The following ANK3 variants were observed in gnomAD, a reference collection of about 807,000 sequenced individuals.
ANK3 encodes ankyrin-3.
Under a neutral mutation model 370.9 loss-of-function variants are expected in ANK3, and 57 were observed. The ratio of observed to expected loss-of-function variants is 0.15; its 90% confidence interval spans 0.12 to 0.19. ANK3 has a LOEUF of 0.19. Among genes scored for constraint, ANK3 ranks in the 10% least tolerant of loss-of-function variants. The probability of loss-of-function intolerance (pLI) is 1.00; values close to 1 mark genes in which losing one functional copy is unlikely to be tolerated. For synonymous variants in ANK3, 1,929 were observed against 1,946.3 expected, an observed-to-expected ratio of 0.99 and a Z score of 0.23; for missense variants, 4,439 against 5,302.1, an observed-to-expected ratio of 0.84 and a Z score of 5.06.
intron 21 of ANK3, among the ~76,000 whole-genome samples, chr10:60,167,112 T>C (rs1195213609): frequency 1.3e-5 from 2 of 152,170 alleles, no homozygotes; most frequent in African/African-American, 4.8e-5. Flanking sequence ...AGAATTCTAG[T>C]GGCAAAGTAC....
Position 60,693,270 on chromosome 10 carries a change from G to A in ANK3, c.57+39993C>T, listed in dbSNP as rs143707917. Among the ~76,000 whole-genome samples, 426 of 152,320 alleles carry A rather than the reference G, an allele frequency of 2.8e-3. 1 individual carries two copies. The highest frequency in any genetic ancestry group is 9.8e-3 in the African/African-American group (406 of 41,568). ...CAGGGTCCTAAGCCCACGGAGTCTC[G>A]CTGATTGCTAGCAGTCTGAGATCAA... is the stretch of plus-strand genomic sequence containing the variant. On this transcript the variant is annotated intron_variant, in intron 1 of 43. Coordinates refer to the ANK3 transcript ENST00000373827.
At chr10:60,559,493 C>A (rs1376422488) in intron 2 of ANK3, among the ~76,000 whole-genome samples, 1 of 152,120 alleles carries the variant, frequency 6.6e-6, no homozygotes, top group Non-Finnish European at 1.5e-5. Flanking sequence ...ACTGTGCTAG[C>A]TACTTGACAT....
chr10:60,458,289 A>T (rs2064799508), intron 2 of ANK3, among the ~76,000 whole-genome samples: 1 of 152,146 alleles, frequency 6.6e-6, no homozygotes, highest in Non-Finnish European at 1.5e-5. Context: ...CCATCAAAGT[A>T]ACTCAAGAAA....
In ANK3 at chr10:60,073,341, T is replaced by A; in HGVS notation, c.7540A>T (p.Ile2514Phe). The A allele has an allele frequency of 6.2e-7, 1 of 1,613,988 alleles. No homozygotes were observed. Among genetic ancestry groups the A allele is most frequent in the Non-Finnish European group, 8.5e-7 (1 of 1,180,002 alleles). ...ACATCTTTATAGATTTTGGAGAGAATTTCTTTTTTGGGGGCAGTGGCTATT... is the reference window on the plus strand; with the variant it reads ...ACATCTTTATAGATTTTGGAGAGAAATTCTTTTTTGGGGGCAGTGGCTATT... ...EKIATAPKKEILSKIYKDVSE... is the reference protein window; with the variant it reads ...EKIATAPKKEFLSKIYKDVSE... Residue 2514 changes from isoleucine (I) to phenylalanine (F), a missense_variant, in exon 37 of 44, where the codon ATT becomes TTT. By Grantham distance (21) the Ile-to-Phe change is conservative (BLOSUM62 0). Transcript: ENST00000280772.
At chr10:60,194,488 A>C (rs2096551857) in intron 16 of ANK3, among the ~76,000 whole-genome samples, 1 of 152,216 alleles carries the variant, frequency 6.6e-6, no homozygotes, top group East Asian at 1.9e-4. Context: ...TATACATCAT[A>C]TAAGTAGAAT....
intron 2 of ANK3, among the ~76,000 whole-genome samples, chr10:60,560,156 C>T (rs954784666): frequency 2.0e-5 from 3 of 152,010 alleles, no homozygotes; most frequent in Non-Finnish European, 4.4e-5. Flanking sequence ...ACCTTTTATA[C>T]AAAGATAAGG....
intron 1 of ANK3, among the ~76,000 whole-genome samples, chr10:60,388,486 T>C (rs1683920788): frequency 6.6e-6 from 1 of 152,214 alleles, no homozygotes; most frequent in South Asian, 2.1e-4. Flanking sequence ...AAATGCTTTA[T>C]GACCTGCCTT....
At chr10:60,624,184 G>A (rs1343596443) in intron 1 of ANK3, among the ~76,000 whole-genome samples, 1 of 151,910 alleles carries the variant, frequency 6.6e-6, no homozygotes, top group Non-Finnish European at 1.5e-5. Flanking sequence ...ACTTGCACAT[G>A]TACCCCTCAA....
At chr10:60,345,886 G>C (rs900499133) in intron 1 of ANK3, among the ~76,000 whole-genome samples, 2 of 152,054 alleles carry the variant, frequency 1.3e-5, no homozygotes, top group African/African-American at 2.4e-5. Flanking sequence ...TTGATTCTAG[G>C]AGCATAGACT....
intron 2 of ANK3, among the ~76,000 whole-genome samples, chr10:60,523,704 G>C (rs866222412): frequency 2.0e-5 from 3 of 152,000 alleles, no homozygotes; most frequent in African/African-American, 7.2e-5. Context: ...ATAAACATAC[G>C]TGTGCATGTG....
chr10:60,677,552 A>G lies in ANK3; in HGVS notation c.57+55711T>C, dbSNP rs150322230. Among the ~76,000 whole-genome samples the G allele has an allele frequency of 3.2e-4, 48 of 152,286 alleles. 1 individual carries two copies. In the South Asian group the frequency reaches 6.0e-3, roughly 19 times the overall value. ...TTTCCTACTCTAATAAGCAGTTTACAAGGTTGCAACCTTACCATTCCAGTT... is the reference window on the plus strand; with the variant it reads ...TTTCCTACTCTAATAAGCAGTTTACGAGGTTGCAACCTTACCATTCCAGTT... On this transcript the variant is annotated intron_variant, in intron 1 of 43. Transcript: ENST00000373827.
chr10:60,260,000 G>A (rs900043617), intron 7 of ANK3, among the ~76,000 whole-genome samples: 7 of 152,156 alleles, frequency 4.6e-5, no homozygotes, highest in African/African-American at 7.2e-5. Flanking sequence ...ACTGACTGAC[G>A]CTCTCCAGTC....
chr10:60,679,797 C>T (rs1459929563), intron 1 of ANK3, among the ~76,000 whole-genome samples: 2 of 152,124 alleles, frequency 1.3e-5, no homozygotes, highest in Non-Finnish European at 2.9e-5. Context: ...TACTTCCTTT[C>T]GTTCCTGCTC....
intron 4 of ANK3, among the ~76,000 whole-genome samples, chr10:60,274,870 T>A (rs1433046168): frequency 6.6e-6 from 1 of 152,190 alleles, no homozygotes; most frequent in African/African-American, 2.4e-5. Context: ...AACACATACA[T>A]AACCATTTAG....
At chr10:60,083,913 A>T in intron 32 of ANK3, 2 of 197,416 alleles carry the variant, frequency 1.0e-5, no homozygotes, top group Non-Finnish European at 2.0e-5. Flanking sequence ...ATTCGTATAG[A>T]TTTTGAAAGC....
chr10:60,251,933 A>G (rs2097673475), intron 7 of ANK3, among the ~76,000 whole-genome samples: 1 of 152,102 alleles, frequency 6.6e-6, no homozygotes, highest in African/African-American at 2.4e-5. Context: ...CTCATTTCAC[A>G]CCTGCATCTG....
In ANK3 at chr10:60,317,203, C is replaced by T. The variant is rs369148666; in HGVS notation, c.115-37564G>A. 4.6e-5 allele frequency among the ~76,000 whole-genome samples: 7 copies of T among 152,132 alleles called. No homozygotes were observed. The East Asian group carries it at 5.8e-4, about 13-fold the overall frequency. ...ATGCCCAGGCTGGAGTACAGTGGTG[C>T]GATGTCTGCCTCCTGGGTTCAAGTG... On this transcript the variant is annotated intron_variant, in intron 1 of 43. Transcript: ENST00000280772.
At chr10:60,202,959 T>A in intron 12 of ANK3, 43 bp downstream of exon 12, 1 of 1,421,624 alleles carries the variant, frequency 7.0e-7, no homozygotes, top group Non-Finnish European at 9.7e-7. Flanking sequence ...TGCCAGTTTA[T>A]TAAATACTCA....
At chr10:60,163,016 A>G (rs530784746) in intron 23 of ANK3, among the ~76,000 whole-genome samples, 36 of 152,310 alleles carry the variant, frequency 2.4e-4, no homozygotes, top group African/African-American at 7.5e-4. Flanking sequence ...ACCAAAGCCA[A>G]TGTAAAATCC....
Sources: gnomAD v4.1 joint callset for allele counts (sites outside exome capture counted in the v4.1 genomes callset) on GRCh38, gnomAD v4.1.1 for gene constraint, MANE v1.5 for transcripts, NCBI Gene and HGNC (gene_info 2026-07-23, HGNC 2026-07-21) for gene names.